Variants in CCDC60 observed in about 807,000 individuals in gnomAD.
CCDC60 encodes coiled-coil domain containing 60.
CCDC60 carries 54 observed loss-of-function variants against 63.5 expected under a neutral mutation model. The observed-to-expected ratio is 0.85, with a 90% CI of 0.68 to 1.07. The LOEUF is 1.07. Among genes scored for constraint, CCDC60 ranks in the 50% least tolerant of loss-of-function variants. The pLI, the probability that CCDC60 is intolerant of heterozygous loss-of-function variation, is 0.00. For synonymous variants in CCDC60, 206 were observed against 238.8 expected (o/e 0.86, Z 1.27); for missense variants, 651 against 684.3 (o/e 0.95, Z 0.54).
intron 2 of CCDC60, among the ~76,000 whole-genome samples, chr12:119,441,714 A>C (rs1183762703): frequency 6.6e-6 from 1 of 152,208 alleles, no homozygotes; most frequent in Non-Finnish European, 1.5e-5. Flanking sequence ...TATTGTCTCT[A>C]TTACTTGGAG....
intron 7 of CCDC60, among the ~76,000 whole-genome samples, chr12:119,516,107 A>T (rs1952345883): frequency 6.6e-6 from 1 of 151,988 alleles, no homozygotes; most frequent in South Asian, 2.1e-4. Context: ...TTATTTTATT[A>T]TTATTGTTAT....
intron 1 of CCDC60, among the ~76,000 whole-genome samples, chr12:119,363,599 G>A (rs1955813050): frequency 6.6e-6 from 1 of 151,994 alleles, no homozygotes; most frequent in Non-Finnish European, 1.5e-5. Context: ...TATTAATATT[G>A]CTTTAAACAG....
At chr12:119,357,476 T>TG (rs1955729888) in intron 1 of CCDC60, among the ~76,000 whole-genome samples, 4 of 150,878 alleles carry the variant, frequency 2.7e-5, no homozygotes, top group Non-Finnish European at 4.4e-5. Context: ...TTTTTTGAGA[T>TG]GGAGTTTCAC....
chr12:119,402,327 A>G (rs4300442), intron 1 of CCDC60: 28,135 of 152,212 alleles, frequency 0.18, 3,194 homozygotes, highest in South Asian at 0.36. Flanking sequence ...GCTGGGTGAC[A>G]TGTTGGAAGG....
At chr12:119,426,716 A>G (rs184971548) in intron 1 of CCDC60, among the ~76,000 whole-genome samples, 1 of 152,262 alleles carries the variant, frequency 6.6e-6, no homozygotes, top group East Asian at 1.9e-4. Flanking sequence ...TAGAATTGCC[A>G]TAGACTCTTC....
chr12:119,352,552 C>T (rs1592983912), intron 1 of CCDC60, among the ~76,000 whole-genome samples: 5 of 152,308 alleles, frequency 3.3e-5, no homozygotes, highest in Admixed American at 3.3e-4. Context: ...CCCAGTCTGG[C>T]CCAAAAGTCT....
At chr12:119,384,863 C>G (rs1182134176) in intron 1 of CCDC60, among the ~76,000 whole-genome samples, 6 of 152,230 alleles carry the variant, frequency 3.9e-5, no homozygotes, top group African/African-American at 1.2e-4. Flanking sequence ...TTTATGACAC[C>G]TTGACCGCTT....
chr12:119,477,108 C>G (rs1951191312), intron 3 of CCDC60, among the ~76,000 whole-genome samples: 1 of 152,176 alleles, frequency 6.6e-6, no homozygotes, highest in Admixed American at 6.5e-5. Flanking sequence ...GCTGTCAGTT[C>G]GTGAGCTTGG....
chr12:119,361,203 G>GGGAGAT (rs1955787546), intron 1 of CCDC60, among the ~76,000 whole-genome samples: 1 of 150,046 alleles, frequency 6.7e-6, no homozygotes, highest in Non-Finnish European at 1.5e-5. Flanking sequence ...GGAGACGAGA[G>GGGAGAT]GGAGAGGGAG....
intron 2 of CCDC60, among the ~76,000 whole-genome samples, chr12:119,446,116 G>A (rs1364393744): frequency 6.6e-6 from 1 of 152,106 alleles, no homozygotes; most frequent in African/African-American, 2.4e-5. Context: ...GACAGAATAT[G>A]GGTGCAAAGT....
In CCDC60 at chr12:119,478,900, C is replaced by G. The variant is rs111911484; in HGVS notation, c.342-194C>G. 7.9e-3 allele frequency among the ~76,000 whole-genome samples: 1,197 copies of G among 152,256 alleles called. 19 individuals carry two copies. The highest frequency in any genetic ancestry group is 0.027 in the African/African-American group (1,124 of 41,556). ...GATTACAGGCATGAGCCACGGCACC[C>G]GACCGAGGGCAGGGACTTTTATATG... On this transcript the variant is annotated intron_variant, in intron 3 of 13. Coordinates refer to ENST00000327554, the MANE Select transcript of CCDC60 (RefSeq NM_178499.5).
intron 4 of CCDC60, among the ~76,000 whole-genome samples, chr12:119,481,806 T>C (rs1446901073): frequency 6.6e-6 from 1 of 151,816 alleles, no homozygotes; most frequent in East Asian, 1.9e-4. Flanking sequence ...TCTTATGCCT[T>C]TGCATCATCA....
intron 5 of CCDC60, among the ~76,000 whole-genome samples, chr12:119,498,843 C>T (rs537181583): frequency 6.6e-6 from 1 of 152,308 alleles, no homozygotes; most frequent in African/African-American, 2.4e-5. Context: ...AGAGATCACA[C>T]GTTGAGACTC....
chr12:119,520,239 C>T (rs764587295), intron 9 of CCDC60, 47 bp downstream of exon 9: 5 of 1,523,208 alleles, frequency 3.3e-6, no homozygotes, highest in Non-Finnish European at 4.5e-6. Flanking sequence ...AGGCAGCCCA[C>T]ACTTACAGGG....
At chr12:119,426,171 T>A (rs1249828928) in intron 1 of CCDC60, among the ~76,000 whole-genome samples, 1 of 152,146 alleles carries the variant, frequency 6.6e-6, no homozygotes, top group Non-Finnish European at 1.5e-5. Context: ...CCCCCTGGTA[T>A]ACTGAAATGA....
chr12:119,392,988 C>T (rs1305560939), intron 1 of CCDC60, among the ~76,000 whole-genome samples: 1 of 152,090 alleles, frequency 6.6e-6, no homozygotes, highest in Non-Finnish European at 1.5e-5. Context: ...GAATCCATCA[C>T]TACAAAAATA....
intron 1 of CCDC60, among the ~76,000 whole-genome samples, chr12:119,387,509 C>T (rs1956081272): frequency 6.6e-6 from 1 of 152,178 alleles, no homozygotes; most frequent in Non-Finnish European, 1.5e-5. Flanking sequence ...TCTCTTAATT[C>T]TCACCCCCTG....
At chr12:119,354,246 T>C (rs1955694045) in intron 1 of CCDC60, among the ~76,000 whole-genome samples, 1 of 152,190 alleles carries the variant, frequency 6.6e-6, no homozygotes, top group African/African-American at 2.4e-5. Context: ...AGAAAAACCC[T>C]AGACAGCCTG....
chr12:119,457,594 T>C lies in CCDC60; in HGVS notation c.171-14400T>C, dbSNP rs140018055. On this transcript the variant is annotated intron_variant, in intron 2 of 13. Transcript: ENST00000327554. ...CCAGAGCAATCTTTTGTGTACGTAG[T>C]TGACCTTTATCTCTGGCAATCTTGT... Among the ~76,000 whole-genome samples the C allele has an allele frequency of 5.7e-3, 876 of 152,360 alleles. 8 individuals are homozygous for C. The highest frequency in any genetic ancestry group is 0.02 in the African/African-American group (844 of 41,584).
Sources: gnomAD v4.1 joint callset for allele counts (sites outside exome capture counted in the v4.1 genomes callset) on GRCh38, gnomAD v4.1.1 for gene constraint, MANE v1.5 for transcripts, NCBI Gene and HGNC (gene_info 2026-07-23, HGNC 2026-07-21) for gene names.